Variants in PCDH7 observed in about 807,000 individuals in gnomAD.
PCDH7 encodes the protein protocadherin-7.
Under a neutral mutation model 58.9 loss-of-function variants are expected in PCDH7, and 17 were observed. The observed-to-expected ratio is 0.29, with a 90% CI of 0.20 to 0.43. The LOEUF (loss-of-function observed/expected upper bound fraction) is 0.43, where lower values mean the gene tolerates loss of function less well. Ranked by LOEUF, PCDH7 falls within the 20% of genes least tolerant of loss-of-function variation. PCDH7 has a pLI of 1.00. For synonymous variants in PCDH7, 664 were observed against 616.4 expected, an observed-to-expected ratio of 1.08 and a Z score of -1.14; for missense variants, 1,274 against 1,441.0, an observed-to-expected ratio of 0.88 and a Z score of 1.88.
rs1726537673 is a variant in PCDH7 at position 30,808,398 on chromosome 4, C to T, written c.70+83802C>T. ...TTCAGGGCATTCTGCTTAAATCTCC[C>T]TCTCTTTCTCTGCTGTTTTTTTCTT... On this transcript the variant is annotated intron_variant, in intron 1 of 3. Coordinates refer to the PCDH7 transcript ENST00000509759. Among the ~76,000 whole-genome samples the T allele has an allele frequency of 2.0e-5, 3 of 152,206 alleles. No individual in the cohort carries two copies. The South Asian group carries it at 6.2e-4, about 32-fold the overall frequency.
intron 1 of PCDH7, chr4:30,725,438 A>T (rs1714477236): frequency 4.1e-6 from 1 of 242,948 alleles, no homozygotes; most frequent in Admixed American, 6.5e-5. Context: ...TATGTGGAAT[A>T]TTTGACATAA....
intron 1 of PCDH7, among the ~76,000 whole-genome samples, chr4:30,744,698 G>A (rs1717542941): frequency 6.6e-6 from 1 of 152,194 alleles, no homozygotes; most frequent in Admixed American, 6.5e-5. Flanking sequence ...TCCTTTATCA[G>A]TCCTGCATCA....
chr4:31,056,104 C>G (rs963842003), intron 3 of PCDH7, among the ~76,000 whole-genome samples: 4 of 151,944 alleles, frequency 2.6e-5, no homozygotes, highest in Non-Finnish European at 5.9e-5. Context: ...CGTGGTGGCT[C>G]ATGCATGTAA....
At chr4:30,799,878 G>T (rs1307093528) in intron 1 of PCDH7, among the ~76,000 whole-genome samples, 1 of 150,314 alleles carries the variant, frequency 6.7e-6, no homozygotes, top group Non-Finnish European at 1.5e-5. Context: ...TTTGGACACG[G>T]AGTCTCACTC....
chr4:31,030,888 C>T (rs967016605), intron 3 of PCDH7, among the ~76,000 whole-genome samples: 4 of 152,252 alleles, frequency 2.6e-5, no homozygotes, highest in African/African-American at 9.6e-5. Context: ...TTGTTTATTG[C>T]AGAATGAATA....
intron 1 of PCDH7, among the ~76,000 whole-genome samples, chr4:30,883,296 C>G (rs1737246701): frequency 6.6e-6 from 1 of 152,172 alleles, no homozygotes; most frequent in African/African-American, 2.4e-5. Flanking sequence ...ATAACCATTA[C>G]CAAGCCAAAT....
chr4:30,846,399 C>T (rs1227523824), intron 1 of PCDH7, among the ~76,000 whole-genome samples: 1 of 152,044 alleles, frequency 6.6e-6, no homozygotes, highest in Non-Finnish European at 1.5e-5. Context: ...TACCCTTCTT[C>T]TTCCTTTCAT....
intron 1 of PCDH7, among the ~76,000 whole-genome samples, chr4:30,771,720 T>C (rs992606277): frequency 6.6e-6 from 1 of 152,202 alleles, no homozygotes; most frequent in Non-Finnish European, 1.5e-5. Context: ...ACACCGGGAA[T>C]CATAAATAAA....
chr4:31,114,632 AACACACACAC>A (rs34203962), intron 3 of PCDH7, among the ~76,000 whole-genome samples: 23 of 143,580 alleles, frequency 1.6e-4, no homozygotes, highest in Non-Finnish European at 2.6e-4. Flanking sequence ...CACACATACA[AACACACACAC>A]ACACACACAC....
intron 1 of PCDH7, among the ~76,000 whole-genome samples, chr4:30,865,388 C>A (rs1734752417): frequency 6.6e-6 from 1 of 151,828 alleles, no homozygotes; most frequent in Non-Finnish European, 1.5e-5. Flanking sequence ...TGGGGCAGAT[C>A]CAAAAATGAA....
intron 3 of PCDH7, among the ~76,000 whole-genome samples, chr4:31,059,571 G>T (rs1374624973): frequency 6.6e-6 from 1 of 151,740 alleles, no homozygotes; most frequent in African/African-American, 2.4e-5. Context: ...ATGATAACAA[G>T]TTAAACTGTT....
Position 30,797,257 on chromosome 4 carries a change from T to G in PCDH7, c.70+72661T>G, listed in dbSNP as rs537754574. ...GACCACTTCCTACTTTGTTTTGTTT[T>G]GTTTGGTTTTGTTTGGTTTGGTTTG... is the stretch of plus-strand genomic sequence containing the variant. On this transcript the variant is annotated intron_variant, in intron 1 of 3. Transcript: ENST00000509759. Among the ~76,000 whole-genome samples the G allele has an allele frequency of 6.5e-4, 96 of 147,708 alleles. 1 individual carries two copies. Among genetic ancestry groups the G allele is most frequent in the African/African-American group, 8.3e-4 (33 of 39,652 alleles).
At chr4:30,756,855 C>G (rs972672280) in intron 1 of PCDH7, among the ~76,000 whole-genome samples, 24 of 152,284 alleles carry the variant, frequency 1.6e-4, no homozygotes, top group Admixed American at 7.8e-4. Flanking sequence ...TGGCTGTGAG[C>G]TCACTACTCT....
At chr4:30,980,152 G>A (rs1013751962) in intron 3 of PCDH7, among the ~76,000 whole-genome samples, 2 of 152,138 alleles carry the variant, frequency 1.3e-5, no homozygotes, top group South Asian at 2.1e-4. Flanking sequence ...TTAAGATAGA[G>A]TGCCTATATT....
chr4:30,799,668 A>G (rs1233702975), intron 1 of PCDH7, among the ~76,000 whole-genome samples: 1 of 152,176 alleles, frequency 6.6e-6, no homozygotes, highest in African/African-American at 2.4e-5. Context: ...TCATGATGTG[A>G]CAAATTTCAA....
chr4:31,053,913 T>C (rs1756946823), intron 3 of PCDH7, among the ~76,000 whole-genome samples: 2 of 152,138 alleles, frequency 1.3e-5, no homozygotes, highest in Admixed American at 1.3e-4. Context: ...TTATTTGAAA[T>C]TATTTTCAGC....
chr4:30,819,541 G>A (rs1728103524), intron 1 of PCDH7, among the ~76,000 whole-genome samples: 1 of 152,128 alleles, frequency 6.6e-6, no homozygotes, highest in Non-Finnish European at 1.5e-5. Context: ...AGACTTCGTT[G>A]CCGTTTTGCT....
rs370034723 is a variant in PCDH7, at chr4:31,097,638, A to ATATATAAAATC, written c.*8-44835_*8-44834insTATATAAAATC. Among the ~76,000 whole-genome samples, 562 of 79,182 alleles carry ATATATAAAATC rather than the reference A, an allele frequency of 7.1e-3. 117 individuals are homozygous for ATATATAAAATC. Among genetic ancestry groups the ATATATAAAATC allele is most frequent in the African/African-American group, 0.026 (443 of 17,332 alleles). The allele number at this position is 79,182 out of a possible 152,430, so 51.9% of individuals were successfully genotyped here. A position where few individuals can be genotyped will look rare whatever the true frequency, so the allele number is the denominator to read the frequency against. ...TATATATATATATATATATATATATAAATCTTTTTTCTGTAATTTCTGTAA... is the reference window on the plus strand; with the variant it reads ...TATATATATATATATATATATATATATATATAAAATCAATCTTTTTTCTGTAATTTCTGTAA... On this transcript the variant is annotated intron_variant, in intron 3 of 3. Coordinates refer to the PCDH7 transcript ENST00000509759.
chr4:31,005,819 A>C (rs1035457007), intron 3 of PCDH7, among the ~76,000 whole-genome samples: 1 of 152,216 alleles, frequency 6.6e-6, no homozygotes, highest in Non-Finnish European at 1.5e-5. Context: ...TTAAAAATTC[A>C]GTTCCGTTTT....
Sources: allele counts gnomAD v4.1 joint callset (sites outside exome capture counted in the v4.1 genomes callset), GRCh38; gene constraint gnomAD v4.1.1; transcripts MANE v1.5; gene names NCBI Gene and HGNC (gene_info 2026-07-23, HGNC 2026-07-21).